Variants in PCDHGA4 observed in about 807,000 individuals in gnomAD.
The protein encoded by PCDHGA4 is protocadherin gamma subfamily A, 4.
PCDHGA4 carries 38 observed loss-of-function variants against 54.6 expected under a neutral mutation model. The observed-to-expected ratio is 0.70, with a 90% CI of 0.54 to 0.91. The LOEUF is 0.91. PCDHGA4 is among the 40% of genes least tolerant of loss of function. The probability of loss-of-function intolerance (pLI) is 0.00; values close to 1 mark genes in which losing one functional copy is unlikely to be tolerated. For synonymous variants in PCDHGA4, 511 were observed against 512.9 expected (o/e 1.00, Z 0.05); for missense variants, 1,298 against 1,220.9 (o/e 1.06, Z -0.94).
At chr5:141,372,217 T>C (rs1267940459) in intron 1 of PCDHGA4, 1 of 1,613,446 alleles carries the variant, frequency 6.2e-7, no homozygotes, top group African/African-American at 1.3e-5. Context: ...TCCTACCACA[T>C]TGTGCAGGCC....
At chr5:141,508,604 A>G (rs2099870124) in intron 3 of PCDHGA4, among the ~76,000 whole-genome samples, 1 of 152,150 alleles carries the variant, frequency 6.6e-6, no homozygotes, top group African/African-American at 2.4e-5. Flanking sequence ...TCTTGGGTGC[A>G]CATAGGACGT....
At chr5:141,421,300 C>A (rs377161386) in intron 1 of PCDHGA4, 2 of 1,613,320 alleles carry the variant, frequency 1.2e-6, no homozygotes, top group African/African-American at 1.3e-5. Context: ...GGGGACGCTG[C>A]GGGGGTTCCG....
intron 1 of PCDHGA4, chr5:141,390,248 A>G (rs778353032): frequency 2.5e-6 from 4 of 1,613,850 alleles, no homozygotes; most frequent in East Asian, 2.2e-5. Context: ...CCTTATTTCC[A>G]CTTTGTAATT....
chr5:141,427,829 G>C, intron 1 of PCDHGA4: 1 of 1,538,520 alleles, frequency 6.5e-7, no homozygotes. Flanking sequence ...TGGTCGCGCA[G>C]CGTGCCTTCG....
At chr5:141,366,170 C>T in intron 1 of PCDHGA4, 1 of 1,614,082 alleles carries the variant, frequency 6.2e-7, no homozygotes, top group Non-Finnish European at 8.5e-7. Flanking sequence ...GGCCAGCGAG[C>T]CAGGACTCTT....
chr5:141,422,568 C>T (rs372115955), intron 1 of PCDHGA4: 91 of 1,613,904 alleles, frequency 5.6e-5, no homozygotes, highest in Non-Finnish European at 7.5e-5. Flanking sequence ...CAGATGACAA[C>T]GATAACCCTC....
At chr5:141,484,135 A>G (rs181630887) in intron 1 of PCDHGA4, among the ~76,000 whole-genome samples, 6 of 152,270 alleles carry the variant, frequency 3.9e-5, no homozygotes, top group Admixed American at 1.3e-4. Flanking sequence ...GTGTCAGATA[A>G]AGGGAATTTG....
chr5:141,421,850 C>T, intron 1 of PCDHGA4: 1 of 1,613,752 alleles, frequency 6.2e-7, no homozygotes, highest in Non-Finnish European at 8.5e-7. Context: ...AAAGAGGCTG[C>T]TCACCTGCTC....
At chr5:141,400,302 T>A (rs7701363) in intron 1 of PCDHGA4, 1 of 1,614,082 alleles carries the variant, frequency 6.2e-7, no homozygotes, top group African/African-American at 1.3e-5. Context: ...GCTTCCAACC[T>A]GGTCTCTGTG....
intron 1 of PCDHGA4, chr5:141,364,578 G>A (rs1168883805): frequency 1.2e-6 from 2 of 1,614,212 alleles, no homozygotes. Flanking sequence ...CGAAGCGGCA[G>A]CTTGGTCACC....
chr5:141,458,394 T>A (rs2098944697), intron 1 of PCDHGA4, among the ~76,000 whole-genome samples: 1 of 152,062 alleles, frequency 6.6e-6, no homozygotes, highest in African/African-American at 2.4e-5. Context: ...ACGCTCCCCC[T>A]TGCAGAGACG....
rs2099624499 is a variant in PCDHGA4, at chr5:141,486,100, C to A, written c.2515-8707C>A. The A allele has an allele frequency of 6.2e-7, 1 of 1,614,072 alleles. No homozygotes were observed. The highest frequency in any genetic ancestry group is 1.3e-5 in the African/African-American group (1 of 74,930). ...AGCTTACTCTTTTGGGGCCCCTAGA[C>A]TTTGAGAGTGAGAATTACTATGAAT... On this transcript the variant is annotated intron_variant, in intron 1 of 3. Coordinates refer to ENST00000571252, the MANE Select transcript of PCDHGA4 (RefSeq NM_018917.4). This position sits in a 1 kb window ranked among gnomAD's most constrained non-coding sequence, Gnocchi z 5.0.
Position 141,393,015 on chromosome 5 carries a change from T to C in PCDHGA4, c.2514+35394T>C, listed in dbSNP as rs755462760. On this transcript the variant is annotated intron_variant, in intron 1 of 3. Transcript: ENST00000571252. The stretch of plus-strand genomic sequence containing the variant: ...GGCGAAGCACGGAGTCCGTATCGTC[T>C]CCAGAGGTAGGACGCAGCTCTTTGC... The C allele has an allele frequency of 7.9e-5, 127 of 1,613,696 alleles. No homozygotes were observed. The highest frequency in any genetic ancestry group is 1.1e-4 in the Non-Finnish European group (124 of 1,179,874).
At chr5:141,406,072 CT>C (rs530474569) in intron 1 of PCDHGA4, among the ~76,000 whole-genome samples, 16,756 of 141,280 alleles carry the variant, frequency 0.12, 1,110 homozygotes, top group African/African-American at 0.2. Flanking sequence ...ATTCTTACTC[CT>C]TTTTTTTTTT....
chr5:141,374,696 G>T (rs747520978), intron 1 of PCDHGA4: 1 of 1,609,314 alleles, frequency 6.2e-7, no homozygotes, highest in South Asian at 1.1e-5. Context: ...CCGGGAAGGA[G>T]AAGCCGTTTA....
intron 1 of PCDHGA4, chr5:141,475,917 C>T (rs1012431912): frequency 1.7e-6 from 1 of 599,962 alleles, no homozygotes. Context: ...AATGAAGACG[C>T]TGGAGATCGG....
intron 1 of PCDHGA4, chr5:141,417,647 C>T: frequency 2.5e-6 from 2 of 812,384 alleles, no homozygotes; most frequent in Non-Finnish European, 3.7e-6. Context: ...ATCCCTCAGC[C>T]TCTAGCCTGG....
chr5:141,477,298 T>C lies in PCDHGA4; in HGVS notation c.2515-17509T>C. ...TGGTGACCTGCGAAGTTCCACCGGG[T>C]CTCCCTTTCAGCCTTACTTCTTCCC... On this transcript the variant is annotated intron_variant, in intron 1 of 3. Coordinates refer to ENST00000571252, the MANE Select transcript of PCDHGA4 (RefSeq NM_018917.4). This position sits in a 1 kb window ranked among gnomAD's most constrained non-coding sequence, Gnocchi z 4.9. 1 of 1,613,344 alleles carries C rather than the reference T, an allele frequency of 6.2e-7. No individual in the cohort carries two copies. Among genetic ancestry groups the C allele is most frequent in the Non-Finnish European group, 8.5e-7 (1 of 1,179,870 alleles).
chr5:141,453,524 C>T (rs1351750021), intron 1 of PCDHGA4, among the ~76,000 whole-genome samples: 1 of 152,060 alleles, frequency 6.6e-6, no homozygotes, highest in Non-Finnish European at 1.5e-5. Flanking sequence ...TCCCCTATAC[C>T]TTCTGCCTCA....
Sources: allele counts gnomAD v4.1 joint callset (sites outside exome capture counted in the v4.1 genomes callset), GRCh38; gene constraint gnomAD v4.1.1; non-coding constraint Gnocchi (gnomAD v3.1); transcripts MANE v1.5; gene names NCBI Gene and HGNC (gene_info 2026-07-23, HGNC 2026-07-21).